Variants in POC1A observed in about 807,000 individuals in gnomAD.
The protein encoded by POC1A is POC1 centriolar protein A, also known as POC1 centriolar protein homolog A.
A neutral mutation model predicts 47.8 loss-of-function variants in POC1A; 34 were observed. The observed-to-expected ratio is 0.71, with a 90% CI of 0.54 to 0.95. The LOEUF is 0.95. Ranked by LOEUF, POC1A falls within the 40% of genes least tolerant of loss-of-function variation. The probability of loss-of-function intolerance (pLI) is 0.00; values close to 1 mark genes in which losing one functional copy is unlikely to be tolerated. For synonymous variants in POC1A, 177 were observed against 207.6 expected (o/e 0.85, Z 1.27); for missense variants, 466 against 528.3 (o/e 0.88, Z 1.16).
chr3:52,131,692 G>A (rs1011842662), intron 7 of POC1A, among the ~76,000 whole-genome samples: 1 of 152,194 alleles, frequency 6.6e-6, no homozygotes, highest in Admixed American at 6.5e-5. Context: ...ACACGAGTCT[G>A]GGTCGGGGAG....
chr3:52,131,924 C>G (rs909595019), intron 7 of POC1A, among the ~76,000 whole-genome samples: 3 of 152,116 alleles, frequency 2.0e-5, no homozygotes, highest in Non-Finnish European at 4.4e-5. Flanking sequence ...ACCAGACACC[C>G]CCATGGACCC....
intron 7 of POC1A, 38 bp downstream of exon 7, chr3:52,138,131 C>T (rs1284088859): frequency 6.2e-7 from 1 of 1,610,854 alleles, no homozygotes; most frequent in Non-Finnish European, 8.5e-7. Flanking sequence ...AAGGTACCAC[C>T]ACTCCACACC....
At chr3:52,117,960 C>T (rs879834224) in intron 9 of POC1A, among the ~76,000 whole-genome samples, 2 of 152,210 alleles carry the variant, frequency 1.3e-5, no homozygotes, top group African/African-American at 4.8e-5. Flanking sequence ...GGTCTTTATG[C>T]CTCGGGGTCA....
chr3:52,087,981 G>A (rs898924610), intron 10 of POC1A, among the ~76,000 whole-genome samples: 2 of 152,190 alleles, frequency 1.3e-5, no homozygotes, highest in Admixed American at 6.5e-5. Flanking sequence ...GTCCAAACAG[G>A]GCTGAGCATG....
chr3:52,111,921 C>T (rs986193790), intron 9 of POC1A, among the ~76,000 whole-genome samples: 19 of 152,084 alleles, frequency 1.2e-4, no homozygotes, highest in African/African-American at 4.6e-4. Flanking sequence ...AACACAGATT[C>T]AAGAATAGGT....
intron 10 of POC1A, among the ~76,000 whole-genome samples, chr3:52,081,227 G>C (rs1353387558): frequency 6.6e-6 from 1 of 152,342 alleles, no homozygotes; most frequent in South Asian, 2.1e-4. Context: ...GGACACGCCT[G>C]CTGGCTTCCG....
chr3:52,129,401 A>C lies in POC1A; in HGVS notation c.814-4220T>G, dbSNP rs555919755. The stretch of plus-strand genomic sequence containing the variant: ...GACTGTTCTACCCTCATGATGGCTT[A>C]TTCCTTTTATTTAATCAATCACTCT... On this transcript the variant is annotated intron_variant, in intron 7 of 10. Coordinates refer to ENST00000296484, the MANE Select transcript of POC1A (RefSeq NM_015426.5). Among the ~76,000 whole-genome samples the C allele has an allele frequency of 2.0e-4, 30 of 152,320 alleles. No homozygotes were observed. The South Asian group carries it at 6.2e-3, about 32-fold the overall frequency.
At chr3:52,103,318 A>G (rs938827898) in intron 9 of POC1A, among the ~76,000 whole-genome samples, 2 of 152,218 alleles carry the variant, frequency 1.3e-5, no homozygotes, top group Non-Finnish European at 2.9e-5. Flanking sequence ...TCTGAGGTCA[A>G]GAGTTTGAGA....
intron 10 of POC1A, among the ~76,000 whole-genome samples, chr3:52,085,953 G>A (rs1410397255): frequency 6.6e-6 from 1 of 152,224 alleles, no homozygotes; most frequent in Non-Finnish European, 1.5e-5. Context: ...GCACAGATGG[G>A]GCTTGATGAG....
intron 6 of POC1A, among the ~76,000 whole-genome samples, chr3:52,139,369 C>T (rs1304252106): frequency 6.6e-6 from 1 of 152,172 alleles, no homozygotes; most frequent in Non-Finnish European, 1.5e-5. Flanking sequence ...TTTTCCCTAC[C>T]ATCTCAGGCT....
intron 6 of POC1A, among the ~76,000 whole-genome samples, chr3:52,140,808 G>A (rs1640555352): frequency 6.6e-6 from 1 of 151,980 alleles, no homozygotes; most frequent in Non-Finnish European, 1.5e-5. Flanking sequence ...TGTGGAGGTG[G>A]TGGGGAGCGG....
At chr3:52,111,017 C>T (rs2107039751) in intron 9 of POC1A, among the ~76,000 whole-genome samples, 2 of 152,364 alleles carry the variant, frequency 1.3e-5, no homozygotes, top group Admixed American at 1.3e-4. Flanking sequence ...CAAGGGCCTC[C>T]AGCCTTTGTC....
At chr3:52,120,105 C>T (rs1229012144) in intron 9 of POC1A, among the ~76,000 whole-genome samples, 2 of 152,200 alleles carry the variant, frequency 1.3e-5, no homozygotes, top group East Asian at 3.8e-4. Flanking sequence ...AACCGAACTA[C>T]TGAACAGTGT....
intron 1 of POC1A, among the ~76,000 whole-genome samples, chr3:52,151,554 T>A (rs1453137865): frequency 7.0e-6 from 1 of 142,680 alleles, no homozygotes; most frequent in African/African-American, 2.6e-5. Context: ...GAGCTTGCAG[T>A]GAGCAGAGAT....
chr3:52,092,969 T>A (rs1031396362), intron 10 of POC1A, among the ~76,000 whole-genome samples: 11 of 152,170 alleles, frequency 7.2e-5, no homozygotes, highest in African/African-American at 2.7e-4. Context: ...GCCAAAGTGC[T>A]GTTTGTCTCA....
intron 9 of POC1A, among the ~76,000 whole-genome samples, chr3:52,117,971 G>C (rs1703631036): frequency 6.6e-6 from 1 of 152,250 alleles, no homozygotes; most frequent in Admixed American, 6.5e-5. Context: ...CTCGGGGTCA[G>C]GCCCCAAAGA....
Position 52,138,240 on chromosome 3 carries a change from A to G in POC1A, c.742T>C (p.Ser248Pro). The change falls in exon 7 of 11, where the codon TCC (serine) becomes CCC (proline). Residue 248 changes from serine (S) to proline (P), a missense_variant. Ser to Pro is a moderately conservative substitution (Grantham distance 74). Transcript: ENST00000296484. ...HPSGNYLITA[S>P]SDSTLKILDL... ...AGGATCTTCAGGGTTGAGTCACTGGAGGCTGTGATCAGGTAGTTTCCCGAC... is the reference window on the plus strand; with the variant it reads ...AGGATCTTCAGGGTTGAGTCACTGGGGGCTGTGATCAGGTAGTTTCCCGAC... The G allele has an allele frequency of 6.2e-7, 1 of 1,614,134 alleles. No homozygotes were observed. Among genetic ancestry groups the G allele is most frequent in the Non-Finnish European group, 8.5e-7 (1 of 1,180,000 alleles).
At chr3:52,093,508 C>T (rs1443596940) in intron 10 of POC1A, among the ~76,000 whole-genome samples, 2 of 152,220 alleles carry the variant, frequency 1.3e-5, no homozygotes, top group Admixed American at 6.5e-5. Flanking sequence ...AGGAGCAGCA[C>T]CCAACACATC....
Position 52,095,747 on chromosome 3 carries a change from A to C in POC1A, c.1125+822T>G, listed in dbSNP as rs149962829. On this transcript the variant is annotated intron_variant, in intron 10 of 10. Coordinates refer to ENST00000296484, the MANE Select transcript of POC1A (RefSeq NM_015426.5). ...ATGACAGCCACCTGGAGCTTCACTC[A>C]TTCCCTGGACGTGCCCATGGCCTCT... 1.7e-3 allele frequency among the ~76,000 whole-genome samples: 258 copies of C among 152,330 alleles called. 1 individual carries two copies. The highest frequency in any genetic ancestry group is 5.9e-3 in the African/African-American group (245 of 41,574).
Sources: allele counts gnomAD v4.1 joint callset (sites outside exome capture counted in the v4.1 genomes callset), GRCh38; gene constraint gnomAD v4.1.1; transcripts MANE v1.5; gene names NCBI Gene and HGNC (gene_info 2026-07-23, HGNC 2026-07-21).